THEMIS: variants seen among roughly 807,000 people sequenced by gnomAD.
THEMIS encodes the protein protein THEMIS.
A neutral mutation model predicts 52.6 loss-of-function variants in THEMIS; 37 were observed. The observed-to-expected ratio is 0.70, with a 90% CI of 0.54 to 0.93. THEMIS has a LOEUF of 0.93. Among genes scored for constraint, THEMIS ranks in the 40% least tolerant of loss-of-function variants. THEMIS has a pLI of 0.00. For synonymous variants in THEMIS, 292 were observed against 272.7 expected, an observed-to-expected ratio of 1.07 and a Z score of -0.70; for missense variants, 808 against 763.1, an observed-to-expected ratio of 1.06 and a Z score of -0.69.
intron 1 of THEMIS, among the ~76,000 whole-genome samples, chr6:127,916,190 T>C (rs1781523251): frequency 6.6e-6 from 1 of 151,480 alleles, no homozygotes; most frequent in Non-Finnish European, 1.5e-5. Flanking sequence ...ATATTATAAT[T>C]AAATATATCT....
chr6:127,847,065 A>C (rs1042255706), intron 2 of THEMIS, among the ~76,000 whole-genome samples: 2 of 151,998 alleles, frequency 1.3e-5, no homozygotes, highest in Non-Finnish European at 2.9e-5. Flanking sequence ...CGGAAAAAGC[A>C]TTTGATAAAA....
At chr6:127,915,590 G>A (rs1184018666) in intron 1 of THEMIS, among the ~76,000 whole-genome samples, 49 of 32,702 alleles carry the variant, frequency 1.5e-3, no homozygotes, top group Non-Finnish European at 6.1e-4. Flanking sequence ...GAGAGAAAGA[G>A]AGAGAGAGAG....
intron 2 of THEMIS, among the ~76,000 whole-genome samples, chr6:127,848,782 T>C (rs998065192): frequency 1.6e-4 from 25 of 152,156 alleles, no homozygotes; most frequent in Non-Finnish European, 2.9e-5. Context: ...GTTTGTTTTT[T>C]TCTTGTAAAT....
chr6:127,878,263 G>A lies in THEMIS; in HGVS notation c.91+22579C>T, dbSNP rs146602973. On this transcript the variant is annotated intron_variant, in intron 1 of 5. Coordinates refer to ENST00000368248, the MANE Select transcript of THEMIS (RefSeq NM_001010923.3). Reference sequence around the variant, plus strand: ...CCCTATGCTCTACCGTTCCAGCTCAGCAGCTGATTCAAAACAGTTTTGTTA... The same window carrying A: ...CCCTATGCTCTACCGTTCCAGCTCAACAGCTGATTCAAAACAGTTTTGTTA... Among the ~76,000 whole-genome samples, 23 of 152,224 alleles carry A rather than the reference G, an allele frequency of 1.5e-4. 1 individual carries two copies. The East Asian group carries it at 3.9e-3, about 26-fold the overall frequency.
At chr6:127,789,671 TCCA>T (rs964395877) in intron 4 of THEMIS, among the ~76,000 whole-genome samples, 2 of 152,174 alleles carry the variant, frequency 1.3e-5, no homozygotes, top group African/African-American at 4.8e-5. Flanking sequence ...AAAAAGCTTA[TCCA>T]CCACCATCAA....
chr6:127,744,713 TAC>T (rs1491065375), intron 4 of THEMIS, among the ~76,000 whole-genome samples: 1 of 151,976 alleles, frequency 6.6e-6, no homozygotes, highest in Non-Finnish European at 1.5e-5. Flanking sequence ...AATATAAAGT[TAC>T]AGTCATGCAA....
Sources: allele counts gnomAD v4.1 joint callset (sites outside exome capture counted in the v4.1 genomes callset), GRCh38; gene constraint gnomAD v4.1.1; transcripts MANE v1.5; gene names NCBI Gene and HGNC (gene_info 2026-07-23, HGNC 2026-07-21).